The following MYO1B variants were observed in gnomAD, a reference collection of about 807,000 sequenced individuals.
MYO1B encodes myosin IB.
Under a neutral mutation model 159.7 loss-of-function variants are expected in MYO1B, and 72 were observed. The observed-to-expected ratio is 0.45, with a 90% CI of 0.37 to 0.55. The LOEUF is 0.55. MYO1B is among the 20% of genes least tolerant of loss of function. MYO1B has a pLI of 0.00. For missense variants in MYO1B, 1,062 were observed against 1,364.8 expected (o/e 0.78, Z 3.50); for synonymous variants, 468 against 473.8 (o/e 0.99, Z 0.16).
At chr2:191,312,542 G>A (rs977283359) in intron 3 of MYO1B, among the ~76,000 whole-genome samples, 1 of 152,026 alleles carries the variant, frequency 6.6e-6, no homozygotes, top group African/African-American at 2.4e-5. Flanking sequence ...CTCATTGATT[G>A]TTTCCTATTT....
intron 15 of MYO1B, among the ~76,000 whole-genome samples, chr2:191,384,564 C>A (rs986059115): frequency 6.6e-5 from 10 of 152,128 alleles, no homozygotes; most frequent in African/African-American, 2.4e-4. Context: ...TGAATGGGAA[C>A]ACTAATATTC....
chr2:191,378,693 T>C (rs1419673651), intron 13 of MYO1B, among the ~76,000 whole-genome samples: 1 of 151,982 alleles, frequency 6.6e-6, no homozygotes, highest in African/African-American at 2.4e-5. Flanking sequence ...ATAAGAAAAA[T>C]AAAATAGTGG....
At chr2:191,411,728 T>A (rs1296822215) in intron 27 of MYO1B, among the ~76,000 whole-genome samples, 1 of 152,174 alleles carries the variant, frequency 6.6e-6, no homozygotes, top group Non-Finnish European at 1.5e-5. Flanking sequence ...TCCTTTATTT[T>A]AGACACCGTG....
chr2:191,382,710 T>C (rs1275783486), intron 14 of MYO1B, among the ~76,000 whole-genome samples: 1 of 152,244 alleles, frequency 6.6e-6, no homozygotes, highest in African/African-American at 2.4e-5. Context: ...GATTTGGCTT[T>C]GTAGCCAGTG....
At chr2:191,246,042 G>A (rs931658100) in intron 1 of MYO1B, 3 of 152,318 alleles carry the variant, frequency 2.0e-5, no homozygotes, top group Non-Finnish European at 2.9e-5. Flanking sequence ...GCAGGAAAGC[G>A]GAGGGAGAAC....
intron 13 of MYO1B, among the ~76,000 whole-genome samples, chr2:191,378,679 A>G (rs1276722893): frequency 6.6e-6 from 1 of 152,108 alleles, no homozygotes; most frequent in Non-Finnish European, 1.5e-5. Context: ...GTCTTCTTAT[A>G]TTGATAAGAA....
At chr2:191,401,074 T>TAAAAC (rs753127109) in intron 23 of MYO1B, among the ~76,000 whole-genome samples, 3 of 152,098 alleles carry the variant, frequency 2.0e-5, no homozygotes, top group Non-Finnish European at 4.4e-5. Flanking sequence ...CATTGCTCTT[T>TAAAAC]AAAACAAAAC....
At chr2:191,396,825 C>T (rs1303480134) in intron 21 of MYO1B, among the ~76,000 whole-genome samples, 1 of 152,206 alleles carries the variant, frequency 6.6e-6, no homozygotes, top group Admixed American at 6.5e-5. Flanking sequence ...ACAGCCATTG[C>T]TTTCATACTC....
At chr2:191,400,320 C>G in intron 21 of MYO1B, 62 bp from the exon 22 acceptor site, 1 of 1,541,684 alleles carries the variant, frequency 6.5e-7, no homozygotes. Flanking sequence ...GTTTTTTTTT[C>G]AAGTCACTGT....
At chr2:191,298,501 A>C (rs1013321990) in intron 3 of MYO1B, among the ~76,000 whole-genome samples, 1 of 152,172 alleles carries the variant, frequency 6.6e-6, no homozygotes, top group African/African-American at 2.4e-5. Flanking sequence ...CTGGATTCCT[A>C]GGTCTTACTT....
At chr2:191,415,206 G>A (rs768422435) in intron 29 of MYO1B, among the ~76,000 whole-genome samples, 4 of 152,196 alleles carry the variant, frequency 2.6e-5, no homozygotes, top group Non-Finnish European at 2.9e-5. Context: ...AATGGGGATA[G>A]TAAGAGTGCC....
chr2:191,357,081 T>C (rs1166412623), intron 7 of MYO1B, among the ~76,000 whole-genome samples: 1 of 152,198 alleles, frequency 6.6e-6, no homozygotes, highest in Non-Finnish European at 1.5e-5. Flanking sequence ...AGAGTATACA[T>C]AAAATAATGA....
intron 3 of MYO1B, among the ~76,000 whole-genome samples, chr2:191,314,825 G>A (rs527323391): frequency 3.0e-4 from 46 of 152,256 alleles, no homozygotes; most frequent in African/African-American, 1.1e-3. Flanking sequence ...TTGGGTTTTC[G>A]CAGGTGAGAT....
intron 1 of MYO1B, among the ~76,000 whole-genome samples, chr2:191,267,746 A>G (rs777485521): frequency 2.0e-5 from 3 of 152,136 alleles, no homozygotes; most frequent in African/African-American, 4.8e-5. Context: ...AAATTGTCCT[A>G]TAGAATCCAG....
At chr2:191,255,315 C>A (rs917921709) in intron 1 of MYO1B, among the ~76,000 whole-genome samples, 1 of 152,208 alleles carries the variant, frequency 6.6e-6, no homozygotes, top group Admixed American at 6.5e-5. Flanking sequence ...GAAATGGACA[C>A]GGATAAATAT....
intron 2 of MYO1B, among the ~76,000 whole-genome samples, chr2:191,288,937 C>A (rs1489112125): frequency 1.3e-5 from 2 of 152,194 alleles, no homozygotes; most frequent in Admixed American, 6.5e-5. Context: ...GACTCCTATA[C>A]CTTCTCTGAT....
At chr2:191,346,187 T>G in intron 5 of MYO1B, 49 bp from the exon 6 acceptor site, 2 of 1,353,404 alleles carry the variant, frequency 1.5e-6, no homozygotes, top group Non-Finnish European at 2.0e-6. Context: ...TCTTTCTGCT[T>G]GAGATTATTA....
At chr2:191,254,909 T>A (rs968161933) in intron 1 of MYO1B, among the ~76,000 whole-genome samples, 3 of 152,178 alleles carry the variant, frequency 2.0e-5, no homozygotes, top group Admixed American at 6.5e-5. Context: ...TCAGGCACCG[T>A]ACTAGGTACT....
intron 3 of MYO1B, among the ~76,000 whole-genome samples, chr2:191,298,573 G>A (rs921771132): frequency 6.6e-6 from 1 of 152,120 alleles, no homozygotes; most frequent in Non-Finnish European, 1.5e-5. Flanking sequence ...GCGCATGTAA[G>A]TCTGAGAACG....
Sources: allele counts gnomAD v4.1 joint callset (sites outside exome capture counted in the v4.1 genomes callset), GRCh38; gene constraint gnomAD v4.1.1; transcripts MANE v1.5; gene names NCBI Gene and HGNC (gene_info 2026-07-23, HGNC 2026-07-21).